CLVS1: variants seen among roughly 807,000 people sequenced by gnomAD.
The protein encoded by CLVS1 is clavesin-1.
Under a neutral mutation model 33.1 loss-of-function variants are expected in CLVS1, and 10 were observed. That is an observed-to-expected ratio of 0.30 (90% CI 0.19 to 0.51). CLVS1 has a LOEUF of 0.51. Among genes scored for constraint, CLVS1 ranks in the 20% least tolerant of loss-of-function variants. The probability of loss-of-function intolerance (pLI) is 0.97; values close to 1 mark genes in which losing one functional copy is unlikely to be tolerated. For missense variants in CLVS1, 343 were observed against 433.4 expected (o/e 0.79, Z 1.85); for synonymous variants, 163 against 166.1 (o/e 0.98, Z 0.14).
At position 61,469,408 on chromosome 8, in the gene CLVS1, G is replaced by A. The variant is rs147450691; in HGVS notation, c.977+10866G>A. On this transcript the variant is annotated intron_variant, in intron 5 of 5. Transcript: ENST00000325897. ...AAGAATTGAGATGTCATAATGACACGGTGAGCCATCTGATCTTGGGGGTGG... is the reference window on the plus strand; with the variant it reads ...AAGAATTGAGATGTCATAATGACACAGTGAGCCATCTGATCTTGGGGGTGG... Among the ~76,000 whole-genome samples the A allele has an allele frequency of 5.4e-3, 826 of 152,200 alleles. 25 individuals carry two copies. The highest frequency in any genetic ancestry group is 0.045 in the Admixed American group (694 of 15,288).
At chr8:61,030,626 C>T in the CLVS1 span, among the ~76,000 whole-genome samples, 8 of 152,278 alleles carry the variant, frequency 5.3e-5, no homozygotes, top group Admixed American at 6.5e-5. Flanking sequence ...CCCAGCAATG[C>T]AGTTTGTGCC....
chr8:61,401,756 A>G (rs1408115014), intron 3 of CLVS1, among the ~76,000 whole-genome samples: 6 of 152,194 alleles, frequency 3.9e-5, no homozygotes, highest in Non-Finnish European at 7.4e-5. Context: ...GCCAACCACG[A>G]CAATCCTAAG....
chr8:61,199,333 G>C (rs571400496), intron 2 of CLVS1, among the ~76,000 whole-genome samples: 1 of 152,098 alleles, frequency 6.6e-6, no homozygotes, highest in Non-Finnish European at 1.5e-5. Flanking sequence ...TAAAGAATGG[G>C]AGAAGATATT....
chr8:61,063,196 T>A (rs1804612770), intron 1 of CLVS1, among the ~76,000 whole-genome samples: 1 of 144,652 alleles, frequency 6.9e-6, no homozygotes, highest in African/African-American at 2.5e-5. Flanking sequence ...GACCTATAAA[T>A]AAACGAGTGC....
intron 5 of CLVS1, among the ~76,000 whole-genome samples, chr8:61,491,891 G>C (rs1473311150): frequency 6.6e-6 from 1 of 152,138 alleles, no homozygotes; most frequent in African/African-American, 2.4e-5. Flanking sequence ...CTAACCTAAA[G>C]TTTCTTTCCA....
chr8:61,494,408 A>C (rs1804199566), intron 5 of CLVS1, among the ~76,000 whole-genome samples: 1 of 152,122 alleles, frequency 6.6e-6, no homozygotes, highest in African/African-American at 2.4e-5. Context: ...ATGATGGCTG[A>C]AATAACTCAA....
At chr8:61,423,532 A>C (rs2129604749) in intron 3 of CLVS1, among the ~76,000 whole-genome samples, 1 of 152,294 alleles carries the variant, frequency 6.6e-6, no homozygotes, top group South Asian at 2.1e-4. Context: ...TCAAAGTGAA[A>C]CCTTGTCAGT....
intron 2 of CLVS1, among the ~76,000 whole-genome samples, chr8:61,149,581 C>G (rs796452070): frequency 2.5e-5 from 3 of 118,478 alleles, no homozygotes; most frequent in Non-Finnish European, 3.6e-5. Context: ...AAAAACAAAA[C>G]AAAAAGAAAA....
chr8:61,241,040 A>G (rs988769696), intron 2 of CLVS1, among the ~76,000 whole-genome samples: 1 of 152,140 alleles, frequency 6.6e-6, no homozygotes, highest in Non-Finnish European at 1.5e-5. Flanking sequence ...ACACTGGCAG[A>G]TTTGGTGTCT....
intron 3 of CLVS1, among the ~76,000 whole-genome samples, chr8:61,403,189 T>G (rs954243528): frequency 1.4e-4 from 21 of 152,146 alleles, no homozygotes; most frequent in African/African-American, 4.6e-4. Flanking sequence ...GTCAGGGCAA[T>G]GCCTTGGGAT....
the CLVS1 span, among the ~76,000 whole-genome samples, chr8:61,041,463 A>T: frequency 6.6e-6 from 1 of 152,220 alleles, no homozygotes; most frequent in Non-Finnish European, 1.5e-5. Context: ...ATCCATGATC[A>T]TGGAATGTTT....
At chr8:61,087,273 A>G (rs1414743205) in intron 1 of CLVS1, among the ~76,000 whole-genome samples, 1 of 152,164 alleles carries the variant, frequency 6.6e-6, no homozygotes, top group Non-Finnish European at 1.5e-5. Flanking sequence ...CCACTGGGAA[A>G]CTGGGAAGAG....
chr8:61,429,824 CCA>C (rs1244158913), intron 3 of CLVS1, among the ~76,000 whole-genome samples: 1 of 152,078 alleles, frequency 6.6e-6, no homozygotes, highest in Non-Finnish European at 1.5e-5. Flanking sequence ...AGCATGAAAG[CCA>C]CTTTTCCCAA....
intron 2 of CLVS1, among the ~76,000 whole-genome samples, chr8:61,319,560 G>A (rs1164540694): frequency 6.6e-6 from 1 of 152,100 alleles, no homozygotes; most frequent in Non-Finnish European, 1.5e-5. Flanking sequence ...CTATGGAAGT[G>A]TTAAAGCCCT....
At chr8:61,013,119 G>GGACA in the CLVS1 span, among the ~76,000 whole-genome samples, 1 of 152,118 alleles carries the variant, frequency 6.6e-6, no homozygotes, top group African/African-American at 2.4e-5. Context: ...AGATGGCAGG[G>GGACA]GACAGACAGA....
At chr8:61,251,243 C>A (rs538157466) in intron 2 of CLVS1, among the ~76,000 whole-genome samples, 1 of 152,134 alleles carries the variant, frequency 6.6e-6, no homozygotes, top group Non-Finnish European at 1.5e-5. Context: ...GTTGAACCAG[C>A]CTTGCATCCC....
chr8:61,021,033 C>T, the CLVS1 span, among the ~76,000 whole-genome samples: 1 of 152,160 alleles, frequency 6.6e-6, no homozygotes, highest in Non-Finnish European at 1.5e-5. Flanking sequence ...CACACTTTTT[C>T]CTGTTCTGAA....
chr8:61,243,809 A>T (rs528922712), intron 2 of CLVS1, among the ~76,000 whole-genome samples: 5 of 152,262 alleles, frequency 3.3e-5, no homozygotes, highest in African/African-American at 1.2e-4. Flanking sequence ...TGTATGGTTT[A>T]TCTGTTTCAT....
intron 2 of CLVS1, among the ~76,000 whole-genome samples, chr8:61,348,791 C>A (rs1035839478): frequency 2.6e-5 from 4 of 152,174 alleles, no homozygotes; most frequent in East Asian, 1.9e-4. Flanking sequence ...TTTTGAGGAA[C>A]TTTTGTACTG....
Sources: allele counts gnomAD v4.1 joint callset (sites outside exome capture counted in the v4.1 genomes callset), GRCh38; gene constraint gnomAD v4.1.1; transcripts MANE v1.5; gene names NCBI Gene and HGNC (gene_info 2026-07-23, HGNC 2026-07-21).